The following TRNAU1AP variants were observed in gnomAD, a reference collection of about 807,000 sequenced individuals.
The protein encoded by TRNAU1AP is tRNA selenocysteine 1-associated protein 1.
In TRNAU1AP, 33 loss-of-function variants were observed where a neutral mutation model predicts 43.3. That is an observed-to-expected ratio of 0.76 (90% confidence interval 0.58 to 1.02). TRNAU1AP has a LOEUF of 1.02. TRNAU1AP is among the 50% of genes least tolerant of loss of function. TRNAU1AP has a pLI of 0.00. For missense variants in TRNAU1AP, 290 were observed against 362.7 expected, an observed-to-expected ratio of 0.80 and a Z score of 1.63; for synonymous variants, 143 against 129.1, an observed-to-expected ratio of 1.11 and a Z score of -0.73.
intron 8 of TRNAU1AP, among the ~76,000 whole-genome samples, chr1:28,573,099 A>C (rs985279841): frequency 1.4e-5 from 2 of 146,426 alleles, no homozygotes; most frequent in Non-Finnish European, 3.0e-5. Flanking sequence ...CAGTGGCGCA[A>C]TCTCATCTCA....
In TRNAU1AP at chr1:28,555,267, G is replaced by T. The variant is rs1665233316; in HGVS notation, c.125+1530G>T. Among the ~76,000 whole-genome samples the T allele has an allele frequency of 3.3e-5, 5 of 151,830 alleles. No individual in the cohort carries two copies. In the South Asian group the frequency reaches 1.0e-3, roughly 31 times the overall value. ...AAAAATTATCTGTGGAGATACTACTGTGTTCTACTGTTATACATTCCTGGC... is the reference window on the plus strand; with the variant it reads ...AAAAATTATCTGTGGAGATACTACTTTGTTCTACTGTTATACATTCCTGGC... On this transcript the variant is annotated intron_variant, in intron 2 of 8. Transcript: ENST00000373830.
chr1:28,561,695 T>C (rs981061888), intron 4 of TRNAU1AP, among the ~76,000 whole-genome samples: 2 of 152,190 alleles, frequency 1.3e-5, no homozygotes, highest in African/African-American at 4.8e-5. Flanking sequence ...CCCAGCACTT[T>C]GGGAGGCCGA....
intron 3 of TRNAU1AP, 68 bp downstream of exon 3, chr1:28,560,800 C>A: frequency 7.8e-7 from 1 of 1,280,024 alleles, no homozygotes; most frequent in Non-Finnish European, 1.1e-6. Flanking sequence ...TCTATTGAAT[C>A]CCTACTGTAT....
chr1:28,571,837 C>T (rs1242565144), intron 7 of TRNAU1AP, 30 bp from the exon 8 acceptor site: 1 of 1,609,428 alleles, frequency 6.2e-7, no homozygotes, highest in Non-Finnish European at 8.5e-7. Context: ...TTCACCATGC[C>T]CCTAACCCAC....
intron 4 of TRNAU1AP, among the ~76,000 whole-genome samples, chr1:28,563,527 A>AG (rs1486121789): frequency 6.6e-6 from 1 of 152,110 alleles, no homozygotes; most frequent in African/African-American, 2.4e-5. Context: ...TACTAAAAAT[A>AG]CAAAAAATTA....
intron 2 of TRNAU1AP, among the ~76,000 whole-genome samples, chr1:28,559,435 C>T (rs1665355294): frequency 6.6e-6 from 1 of 152,074 alleles, no homozygotes; most frequent in Non-Finnish European, 1.5e-5. Context: ...TCAAGACCAG[C>T]CTGACCAATA....
chr1:28,567,014 A>G (rs1302260939), intron 5 of TRNAU1AP, among the ~76,000 whole-genome samples: 1 of 152,134 alleles, frequency 6.6e-6, no homozygotes, highest in African/African-American at 2.4e-5. Context: ...CCTATTTGGG[A>G]ATGTTCCCTA....
chr1:28,556,668 C>T (rs1307347647), intron 2 of TRNAU1AP, among the ~76,000 whole-genome samples: 13 of 151,890 alleles, frequency 8.6e-5, no homozygotes, highest in Non-Finnish European at 2.9e-5. Flanking sequence ...CCTGCCACCA[C>T]GCCCAGCTCA....
In TRNAU1AP at chr1:28,571,192, G is replaced by A. The variant is rs1362523844; in HGVS notation, c.547G>A (p.Val183Met). 6.2e-7 allele frequency: 1 copy of A among 1,613,980 alleles called. No homozygotes were observed. Reference sequence around the variant, plus strand: ...TCATTTAAGGAGCCGTGTAAAGCCAGTGGAATATAGTCAGATGTACAGTTA... The same window carrying A: ...TCATTTAAGGAGCCGTGTAAAGCCAATGGAATATAGTCAGATGTACAGTTA... ...AIPKASRVKP[V>M]EYSQMYSYSY... The change falls in exon 7 of 9, where the codon GTG becomes ATG. Residue 183 changes from valine to methionine, a missense_variant. Around this residue, in one of 3 missense-constraint regions of TRNAU1AP, gnomAD observed 174 missense variants for 262.1 expected, o/e 0.66. Transcript: ENST00000373830.
At chr1:28,572,318 C>A (rs934290683) in intron 8 of TRNAU1AP, among the ~76,000 whole-genome samples, 1 of 151,984 alleles carries the variant, frequency 6.6e-6, no homozygotes, top group Admixed American at 6.6e-5. Context: ...CTCAGCCTCC[C>A]GAGTAGCTGG....
intron 2 of TRNAU1AP, among the ~76,000 whole-genome samples, chr1:28,560,268 C>G (rs937026339): frequency 4.0e-5 from 6 of 148,526 alleles, no homozygotes; most frequent in African/African-American, 1.5e-4. Flanking sequence ...AGGCCAAGAC[C>G]CATCTTGAGC....
intron 4 of TRNAU1AP, among the ~76,000 whole-genome samples, chr1:28,563,222 G>A (rs972952926): frequency 6.7e-6 from 1 of 149,242 alleles, no homozygotes; most frequent in African/African-American, 2.4e-5. Flanking sequence ...CAAGGAATAT[G>A]TATAATATGT....
chr1:28,567,521 A>T, intron 6 of TRNAU1AP, 108 bp downstream of exon 6: 1 of 1,332,804 alleles, frequency 7.5e-7, no homozygotes. Context: ...GCTGAAGGGG[A>T]TCCAATTCAA....
chr1:28,565,358 A>T (rs925691921), intron 5 of TRNAU1AP: 1 of 154,524 alleles, frequency 6.5e-6, no homozygotes, highest in Non-Finnish European at 1.4e-5. Context: ...GGTGGTGTGC[A>T]CCTGTAGTCC....
intron 4 of TRNAU1AP, among the ~76,000 whole-genome samples, chr1:28,563,287 C>T (rs943766939): frequency 5.8e-4 from 88 of 151,946 alleles, no homozygotes; most frequent in African/African-American, 1.9e-3. Context: ...CGGTGGCTCA[C>T]GCCTGTAATC....
chr1:28,558,801 G>A (rs1570247289), intron 2 of TRNAU1AP, among the ~76,000 whole-genome samples: 1 of 151,680 alleles, frequency 6.6e-6, no homozygotes, highest in South Asian at 2.1e-4. Context: ...TCCTGACCTC[G>A]TGATCCGCCC....
At chr1:28,566,716 G>A (rs1462046616) in intron 5 of TRNAU1AP, among the ~76,000 whole-genome samples, 3 of 147,968 alleles carry the variant, frequency 2.0e-5, no homozygotes, top group African/African-American at 5.0e-5. Context: ...CCGAGATCAC[G>A]CCATTGCACT....
intron 2 of TRNAU1AP, 54 bp downstream of exon 2, chr1:28,553,791 G>C: frequency 6.7e-7 from 1 of 1,493,116 alleles, no homozygotes; most frequent in South Asian, 1.1e-5. Flanking sequence ...TGTCATGTAC[G>C]AGAATGTAAA....
chr1:28,563,078 T>A (rs1270359247), intron 4 of TRNAU1AP, among the ~76,000 whole-genome samples: 1 of 151,514 alleles, frequency 6.6e-6, no homozygotes, highest in East Asian at 2.0e-4. Flanking sequence ...ATATTTTTAG[T>A]AGAGATGGGG....
Sources: allele counts gnomAD v4.1 joint callset (sites outside exome capture counted in the v4.1 genomes callset), GRCh38; gene constraint gnomAD v4.1.1; regional missense constraint gnomAD v4.1.1; transcripts MANE v1.5; gene names NCBI Gene and HGNC (gene_info 2026-07-23, HGNC 2026-07-21).